The following CLASP1 variants were observed in gnomAD, a reference collection of about 807,000 sequenced individuals.
CLASP1 encodes the protein cytoplasmic linker associated protein 1, also known as CLIP-associating protein 1.
Under a neutral mutation model 192.3 loss-of-function variants are expected in CLASP1, and 38 were observed. The observed-to-expected ratio is 0.20, with a 90% confidence interval of 0.15 to 0.26. The LOEUF is 0.26. Among genes scored for constraint, CLASP1 ranks in the 10% least tolerant of loss-of-function variants. The pLI is 1.00. For missense variants in CLASP1, 1,433 were observed against 1,932.5 expected (o/e 0.74, Z 4.85); for synonymous variants, 691 against 712.8 (o/e 0.97, Z 0.49).
chr2:121,411,365 C>T (rs936806584), intron 23 of CLASP1, among the ~76,000 whole-genome samples: 1 of 152,176 alleles, frequency 6.6e-6, no homozygotes, highest in East Asian at 1.9e-4. Context: ...AGTTCTAATG[C>T]AATGTGTGGT....
chr2:121,376,526 T>TGGGGGGGGGGCGGGGAGGGGG (rs61313144), intron 34 of CLASP1, among the ~76,000 whole-genome samples: 30 of 105,112 alleles, frequency 2.9e-4, no homozygotes, highest in East Asian at 5.5e-4. Context: ...TGGGAAGGGG[T>TGGGGGGGGGGCGGGGAGGGGG]GGGGGGGGGG....
At chr2:121,563,149 G>A (rs1469824132) in intron 2 of CLASP1, among the ~76,000 whole-genome samples, 1 of 152,172 alleles carries the variant, frequency 6.6e-6, no homozygotes, top group East Asian at 1.9e-4. Flanking sequence ...CCAATGCCAA[G>A]TAGCCTTCAC....
At chr2:121,620,348 A>C (rs867255396) in intron 1 of CLASP1, among the ~76,000 whole-genome samples, 2 of 151,960 alleles carry the variant, frequency 1.3e-5, no homozygotes. Context: ...AGGACTAAGG[A>C]TACTAAGCTT....
intron 1 of CLASP1, among the ~76,000 whole-genome samples, chr2:121,616,735 G>C (rs1444817663): frequency 6.6e-6 from 1 of 152,178 alleles, no homozygotes. Context: ...TCTGTTCTTA[G>C]TCTACCTGTT....
intron 16 of CLASP1, 71 bp downstream of exon 16, chr2:121,450,842 A>T: frequency 1.8e-6 from 2 of 1,120,962 alleles, no homozygotes; most frequent in Non-Finnish European, 2.6e-6. Context: ...AGTTTTTAAT[A>T]AGGCAATCCT....
intron 39 of CLASP1, among the ~76,000 whole-genome samples, chr2:121,341,594 A>C (rs1270119563): frequency 6.6e-6 from 1 of 152,256 alleles, no homozygotes. Context: ...GGATATAAAA[A>C]GATATTCCAT....
intron 19 of CLASP1, among the ~76,000 whole-genome samples, chr2:121,431,181 A>G (rs2081334352): frequency 6.6e-6 from 1 of 152,192 alleles, no homozygotes; most frequent in Admixed American, 6.5e-5. Flanking sequence ...AAAAGTTTCA[A>G]GAAAGGAAGG....
At chr2:121,528,199 T>TCA (rs569779186) in intron 4 of CLASP1, among the ~76,000 whole-genome samples, 104 of 152,300 alleles carry the variant, frequency 6.8e-4, no homozygotes, top group African/African-American at 2.3e-3. Flanking sequence ...GCTAGTGAGT[T>TCA]GCCAAAGATC....
chr2:121,492,748 A>G (rs1014376630), intron 8 of CLASP1, among the ~76,000 whole-genome samples: 1 of 152,106 alleles, frequency 6.6e-6, no homozygotes, highest in Admixed American at 6.5e-5. Flanking sequence ...AAAATGGTGC[A>G]GCCACTGTGG....
At chr2:121,512,313 T>C (rs1463066654) in intron 7 of CLASP1, among the ~76,000 whole-genome samples, 2 of 152,206 alleles carry the variant, frequency 1.3e-5, no homozygotes, top group South Asian at 2.1e-4. Flanking sequence ...TGAGAGTGAA[T>C]GTCAAGATAT....
intron 19 of CLASP1, among the ~76,000 whole-genome samples, chr2:121,432,474 C>T (rs572778951): frequency 1.7e-4 from 26 of 152,278 alleles, no homozygotes; most frequent in African/African-American, 5.1e-4. Context: ...AGTAAATTCG[C>T]CTTTTCCTAA....
chr2:121,565,219 T>A (rs112734565), intron 2 of CLASP1, among the ~76,000 whole-genome samples: 87 of 152,324 alleles, frequency 5.7e-4, no homozygotes, highest in Non-Finnish European at 1.1e-3. Flanking sequence ...CCAGGCTACG[T>A]GGATATAGGG....
At chr2:121,409,592 T>A (rs2077398397) in intron 24 of CLASP1, among the ~76,000 whole-genome samples, 1 of 152,196 alleles carries the variant, frequency 6.6e-6, no homozygotes, top group Non-Finnish European at 1.5e-5. Context: ...CACAGTCCCT[T>A]ATGCAGTTCT....
chr2:121,591,365 G>A (rs144318923), intron 2 of CLASP1, among the ~76,000 whole-genome samples: 1 of 152,172 alleles, frequency 6.6e-6, no homozygotes, highest in African/African-American at 2.4e-5. Context: ...CCACTAGGTT[G>A]TCCTCCTCCC....
chr2:121,558,033 T>C (rs1483161299), intron 2 of CLASP1, among the ~76,000 whole-genome samples: 2 of 149,168 alleles, frequency 1.3e-5, no homozygotes, highest in African/African-American at 2.4e-5. Flanking sequence ...TGAGCCGAGA[T>C]TGCACCACTG....
chr2:121,467,750 G>A (rs1204081804), intron 9 of CLASP1, among the ~76,000 whole-genome samples: 1 of 152,280 alleles, frequency 6.6e-6, no homozygotes, highest in African/African-American at 2.4e-5. Flanking sequence ...TAGGTTGAGT[G>A]TTCTCTCTGA....
chr2:121,583,641 A>G (rs181985551), intron 2 of CLASP1, among the ~76,000 whole-genome samples: 12 of 152,242 alleles, frequency 7.9e-5, no homozygotes, highest in Admixed American at 7.8e-4. Flanking sequence ...CCCATCAAGT[A>G]CCCATATAGT....
chr2:121,451,511 G>T (rs1293736573), intron 15 of CLASP1, among the ~76,000 whole-genome samples: 1 of 152,206 alleles, frequency 6.6e-6, no homozygotes, highest in Non-Finnish European at 1.5e-5. Context: ...CATGGGAACT[G>T]ACAGGAATGT....
intron 2 of CLASP1, among the ~76,000 whole-genome samples, chr2:121,537,970 TA>T (rs1312439819): frequency 6.6e-6 from 1 of 152,208 alleles, no homozygotes; most frequent in African/African-American, 2.4e-5. Flanking sequence ...ATAAAGGATA[TA>T]TTTTTTTCAA....
Sources: allele counts gnomAD v4.1 joint callset (sites outside exome capture counted in the v4.1 genomes callset), GRCh38; gene constraint gnomAD v4.1.1; transcripts MANE v1.5; gene names NCBI Gene and HGNC (gene_info 2026-07-23, HGNC 2026-07-21).